Variants in MED13L observed in about 807,000 individuals in gnomAD.
MED13L encodes mediator of RNA polymerase II transcription subunit 13-like.
MED13L carries 7 observed loss-of-function variants against 220.9 expected under a neutral mutation model. The ratio of observed to expected loss-of-function variants is 0.03; its 90% CI spans 0.02 to 0.06. The LOEUF is 0.06. MED13L is among the 10% of genes least tolerant of loss of function. MED13L has a pLI of 1.00. For synonymous variants in MED13L, 1,011 were observed against 1,015.2 expected, an observed-to-expected ratio of 1.00 and a Z score of 0.08; for missense variants, 1,965 against 2,760.5, an observed-to-expected ratio of 0.71 and a Z score of 6.46.
intron 2 of MED13L, among the ~76,000 whole-genome samples, chr12:116,227,951 C>A (rs893215684): frequency 2.0e-5 from 3 of 151,834 alleles, no homozygotes; most frequent in Non-Finnish European, 4.4e-5. Flanking sequence ...TTAAAAAAAT[C>A]TTGAAGGAAA....
chr12:116,065,323 C>A lies in MED13L; in HGVS notation c.479+31346G>T, dbSNP rs17580254. Among the ~76,000 whole-genome samples, 472 of 151,948 alleles carry A rather than the reference C, an allele frequency of 3.1e-3. 22 individuals carry two copies. In the East Asian group the frequency reaches 0.082, roughly 26 times the overall value. The stretch of plus-strand genomic sequence containing the variant: ...TGTATGGTATGCTCTTAAATAAGGA[C>A]CGGGAGGATAGCAAAAATAATACAC... On this transcript the variant is annotated intron_variant, in intron 4 of 30. Coordinates refer to ENST00000281928, the MANE Select transcript of MED13L (RefSeq NM_015335.5).
chr12:116,256,904 C>G (rs1490455758), intron 1 of MED13L, among the ~76,000 whole-genome samples: 4 of 151,642 alleles, frequency 2.6e-5, no homozygotes, highest in African/African-American at 7.3e-5. Flanking sequence ...CAAGATGGCC[C>G]CAATCTCTTG....
intron 2 of MED13L, among the ~76,000 whole-genome samples, chr12:116,225,516 T>C (rs897794863): frequency 6.6e-6 from 1 of 152,248 alleles, no homozygotes; most frequent in Non-Finnish European, 1.5e-5. Context: ...TGTATGTAAT[T>C]TGTCCAAGGA....
At chr12:116,049,791 T>C (rs1442320058) in intron 4 of MED13L, among the ~76,000 whole-genome samples, 1 of 152,176 alleles carries the variant, frequency 6.6e-6, no homozygotes, top group Non-Finnish European at 1.5e-5. Context: ...TAAACACTAA[T>C]TATAAAAACA....
At chr12:116,147,848 T>C (rs1234688522) in intron 2 of MED13L, among the ~76,000 whole-genome samples, 4 of 151,880 alleles carry the variant, frequency 2.6e-5, no homozygotes, top group Non-Finnish European at 5.9e-5. Flanking sequence ...TTGAGTAACA[T>C]GTAATTATCA....
At chr12:115,971,989 G>T in intron 26 of MED13L, 89 bp downstream of exon 26, 1 of 1,402,472 alleles carries the variant, frequency 7.1e-7, no homozygotes. Context: ...ATATAATGAA[G>T]ACAATTCTAC....
chr12:116,045,748 G>A (rs1244586382), intron 4 of MED13L, among the ~76,000 whole-genome samples: 1 of 151,998 alleles, frequency 6.6e-6, no homozygotes, highest in African/African-American at 2.4e-5. Context: ...TATTGTATCA[G>A]CAGCCATCTT....
chr12:116,092,830 A>C (rs975209960), intron 4 of MED13L, among the ~76,000 whole-genome samples: 12 of 152,124 alleles, frequency 7.9e-5, no homozygotes, highest in African/African-American at 2.9e-4. Flanking sequence ...AGAATATCTG[A>C]AAACATGTGA....
At chr12:116,170,433 C>T (rs570800089) in intron 2 of MED13L, among the ~76,000 whole-genome samples, 1 of 152,160 alleles carries the variant, frequency 6.6e-6, no homozygotes, top group African/African-American at 2.4e-5. Context: ...AAGTATGATG[C>T]TCCATCTTAA....
chr12:116,031,035 C>G (rs1592965540), intron 4 of MED13L, among the ~76,000 whole-genome samples: 1 of 152,076 alleles, frequency 6.6e-6, no homozygotes, highest in East Asian at 1.9e-4. Flanking sequence ...ATCTCAATAC[C>G]TAGGAAAGAA....
chr12:116,114,244 G>C (rs1187553274), intron 2 of MED13L, among the ~76,000 whole-genome samples: 1 of 152,100 alleles, frequency 6.6e-6, no homozygotes, highest in Non-Finnish European at 1.5e-5. Flanking sequence ...CCTTGTCAGA[G>C]GATGTCAAAG....
chr12:116,129,448 T>C (rs888953822), intron 2 of MED13L, among the ~76,000 whole-genome samples: 1 of 152,192 alleles, frequency 6.6e-6, no homozygotes, highest in Non-Finnish European at 1.5e-5. Context: ...CTGTCCTGTT[T>C]ATTTTTTCTC....
intron 4 of MED13L, among the ~76,000 whole-genome samples, chr12:116,076,608 G>C (rs1870823450): frequency 6.6e-6 from 1 of 152,150 alleles, no homozygotes; most frequent in African/African-American, 2.4e-5. Flanking sequence ...GCACATTAAT[G>C]AATTCTGCAG....
At chr12:116,155,329 G>A (rs1192923534) in intron 2 of MED13L, among the ~76,000 whole-genome samples, 2 of 152,114 alleles carry the variant, frequency 1.3e-5, no homozygotes, top group African/African-American at 4.8e-5. Flanking sequence ...AAACTGAGGT[G>A]GGAGGATTGC....
chr12:116,119,825 AAAAAAAAAAAAAAAT>A (rs1325297073), intron 2 of MED13L, among the ~76,000 whole-genome samples: 5 of 112,162 alleles, frequency 4.5e-5, no homozygotes, highest in African/African-American at 1.0e-4. Flanking sequence ...AAAAAAAAAA[AAAAAAAAAAAAAAAT>A]ATATATATAT....
At position 116,135,903 on chromosome 12, in the gene MED13L, C is replaced by T. The variant is rs1253871809; in HGVS notation, c.311-24391G>A. 5.7e-5 allele frequency among the ~76,000 whole-genome samples: 8 copies of T among 139,910 alleles called. No homozygotes were observed. The South Asian group carries it at 6.9e-4, about 12-fold the overall frequency. The allele number at this position is 139,910 out of a possible 152,430, so 91.8% of individuals were successfully genotyped here. On this transcript the variant is annotated intron_variant, in intron 2 of 30. Coordinates refer to ENST00000281928, the MANE Select transcript of MED13L (RefSeq NM_015335.5). ...AGTGGGGCTGTTTTTCAAAGATTCC[C>T]TTTTTTTTTTTTTTTTGGTGGACAG...
chr12:116,131,991 G>A (rs1876108277), intron 2 of MED13L, among the ~76,000 whole-genome samples: 1 of 148,438 alleles, frequency 6.7e-6, no homozygotes, highest in African/African-American at 2.5e-5. Context: ...TCAAAAAAAA[G>A]AAAAACGCCA....
At chr12:116,026,249 A>C (rs751277891) in intron 4 of MED13L, among the ~76,000 whole-genome samples, 1 of 152,210 alleles carries the variant, frequency 6.6e-6, no homozygotes, top group African/African-American at 2.4e-5. Flanking sequence ...GAATTGTTAT[A>C]AAAATTTCAA....
chr12:116,224,441 T>G (rs1868755345), intron 2 of MED13L, among the ~76,000 whole-genome samples: 1 of 152,194 alleles, frequency 6.6e-6, no homozygotes, highest in South Asian at 2.1e-4. Context: ...AGTAATACCA[T>G]GGGCCCCACA....
Sources: gnomAD v4.1 joint callset for allele counts (sites outside exome capture counted in the v4.1 genomes callset) on GRCh38, gnomAD v4.1.1 for gene constraint, MANE v1.5 for transcripts, NCBI Gene and HGNC (gene_info 2026-07-23, HGNC 2026-07-21) for gene names.